CFAP61: variants seen among roughly 807,000 people sequenced by gnomAD.
CFAP61 encodes cilia- and flagella-associated protein 61.
In CFAP61, 107 loss-of-function variants were observed where a neutral mutation model predicts 135.6. That is an observed-to-expected ratio of 0.79 (90% confidence interval 0.67 to 0.93). The LOEUF is 0.93. CFAP61 is among the 40% of genes least tolerant of loss of function. CFAP61 has a pLI of 0.00. For synonymous variants in CFAP61, 575 were observed against 578.5 expected (o/e 0.99, Z 0.09); for missense variants, 1,507 against 1,556.2 (o/e 0.97, Z 0.53).
At chr20:20,083,901 C>G (rs1196632168) in intron 6 of CFAP61, among the ~76,000 whole-genome samples, 1 of 152,118 alleles carries the variant, frequency 6.6e-6, no homozygotes, top group Non-Finnish European at 1.5e-5. Flanking sequence ...TTTCCAAGGA[C>G]TAGAAGCTAA....
intron 25 of CFAP61, among the ~76,000 whole-genome samples, chr20:20,312,409 G>T (rs1268001303): frequency 2.0e-5 from 3 of 152,152 alleles, no homozygotes; most frequent in African/African-American, 4.8e-5. Context: ...ATTAGACCTC[G>T]CTGGGAAAAG....
At chr20:20,182,919 A>G (rs1390853709) in intron 13 of CFAP61, among the ~76,000 whole-genome samples, 2 of 152,234 alleles carry the variant, frequency 1.3e-5, no homozygotes, top group African/African-American at 4.8e-5. Context: ...CTATCAGAAC[A>G]CACTAAGTAA....
Position 20,187,941 on chromosome 20 carries a change from T to G in CFAP61, c.1397T>G (p.Ile466Arg). 6.2e-7 allele frequency: 1 copy of G among 1,613,080 alleles called. No homozygotes were observed. The highest frequency in any genetic ancestry group is 1.1e-5 in the South Asian group (1 of 91,050). Residue 466 changes from isoleucine to arginine, a missense_variant, in exon 14 of 27, where the codon ATA becomes AGA. Transcript: ENST00000245957. ...HRAGLLKSIN[I>R]RFATLLDTPG... is the part of the protein sequence containing the mutation. ...CTCTCCTTACCCAGGTCCATTAATATAAGATTTGCCACTCTCTTGGATACT... is the reference window on the plus strand; with the variant it reads ...CTCTCCTTACCCAGGTCCATTAATAGAAGATTTGCCACTCTCTTGGATACT...
chr20:20,201,931 G>A (rs923749366), intron 17 of CFAP61, among the ~76,000 whole-genome samples: 2 of 152,164 alleles, frequency 1.3e-5, no homozygotes, highest in Admixed American at 6.5e-5. Flanking sequence ...ATATCAGGAA[G>A]CATCGTTTTT....
At chr20:20,306,695 A>G (rs1250447659) in intron 25 of CFAP61, among the ~76,000 whole-genome samples, 1 of 152,206 alleles carries the variant, frequency 6.6e-6, no homozygotes, top group Non-Finnish European at 1.5e-5. Context: ...CCACCCACTG[A>G]GTCAACGTGC....
chr20:20,071,133 A>G, intron 3 of CFAP61, 129 bp downstream of exon 3: 1 of 949,700 alleles, frequency 1.1e-6, no homozygotes. Context: ...AAGTGAAGGG[A>G]GCTGGTGGGG....
At chr20:20,239,721 A>C (rs1336912191) in intron 18 of CFAP61, among the ~76,000 whole-genome samples, 1 of 152,192 alleles carries the variant, frequency 6.6e-6, no homozygotes, top group African/African-American at 2.4e-5. Flanking sequence ...GATCTTAATG[A>C]GTCTGATCTG....
chr20:20,282,221 G>A (rs1052609774), intron 22 of CFAP61, among the ~76,000 whole-genome samples: 1 of 150,278 alleles, frequency 6.7e-6, no homozygotes, highest in African/African-American at 2.5e-5. Context: ...AGTGTAGATA[G>A]GGGTTTGTCA....
intron 9 of CFAP61, among the ~76,000 whole-genome samples, chr20:20,156,370 T>G (rs2052910312): frequency 1.3e-5 from 2 of 152,140 alleles, no homozygotes; most frequent in Admixed American, 1.3e-4. Flanking sequence ...TCATAAAGAC[T>G]CTTAGCACTT....
intron 3 of CFAP61, among the ~76,000 whole-genome samples, chr20:20,071,345 C>CA (rs1186428877): frequency 6.6e-6 from 1 of 152,162 alleles, no homozygotes; most frequent in African/African-American, 2.4e-5. Context: ...GTTAGGAGAG[C>CA]ACCTGCCGTC....
At chr20:20,284,537 A>G (rs1205903045) in intron 22 of CFAP61, among the ~76,000 whole-genome samples, 1 of 152,112 alleles carries the variant, frequency 6.6e-6, no homozygotes, top group Admixed American at 6.6e-5. Context: ...CGCCTGCCTC[A>G]GCCTCCCAAA....
chr20:20,344,917 C>A (rs1399926174), intron 26 of CFAP61, among the ~76,000 whole-genome samples: 1 of 151,912 alleles, frequency 6.6e-6, no homozygotes, highest in Non-Finnish European at 1.5e-5. Flanking sequence ...TAGTACCTAG[C>A]CATAAAAATA....
intron 1 of CFAP61, among the ~76,000 whole-genome samples, chr20:20,054,725 A>G (rs777229748): frequency 1.3e-5 from 2 of 152,206 alleles, no homozygotes. Flanking sequence ...ACTGGCTTCT[A>G]ATGTTGCTCA....
chr20:20,098,138 C>A (rs989577066), intron 7 of CFAP61, among the ~76,000 whole-genome samples: 6 of 152,094 alleles, frequency 3.9e-5, no homozygotes, highest in Non-Finnish European at 4.4e-5. Flanking sequence ...ACTTATGCAC[C>A]ACTAGGTGTG....
intron 18 of CFAP61, among the ~76,000 whole-genome samples, chr20:20,236,756 C>A (rs548426174): frequency 6.6e-6 from 1 of 152,294 alleles, no homozygotes; most frequent in Non-Finnish European, 1.5e-5. Context: ...CAGAAGTGAT[C>A]CCACTGGATT....
At chr20:20,142,719 T>C in intron 8 of CFAP61, 138 bp from the exon 9 acceptor site, 1 of 612,246 alleles carries the variant, frequency 1.6e-6, no homozygotes, top group Non-Finnish European at 2.9e-6. Flanking sequence ...TCTTCCCACC[T>C]CAAGGTACTG....
chr20:20,080,901 C>T (rs1344180484), intron 6 of CFAP61, among the ~76,000 whole-genome samples: 1 of 151,876 alleles, frequency 6.6e-6, no homozygotes, highest in African/African-American at 2.4e-5. Context: ...ACTCGGGAGG[C>T]TGAGGCAGGA....
intron 25 of CFAP61, among the ~76,000 whole-genome samples, chr20:20,301,617 C>T (rs1015046509): frequency 3.3e-5 from 5 of 152,210 alleles, no homozygotes; most frequent in Non-Finnish European, 5.9e-5. Context: ...CTTTTCCCCA[C>T]TTAATGATGC....
rs2053620279 is a variant in CFAP61 at position 20,164,044 on chromosome 20, C to T, written c.1027-6C>T. The stretch of plus-strand genomic sequence containing the variant: ...CTCATTGGCTCCTCCTGTCTCCTTG[C>T]TCTAGGACATAGAAAAACTCAGTGA... On this transcript the variant is annotated splice_polypyrimidine_tract_variant and splice_region_variant and intron_variant, in intron 10 of 26. Transcript: ENST00000245957. 2 of 1,603,046 alleles carry T rather than the reference C, an allele frequency of 1.2e-6. No homozygotes were observed. The highest frequency in any genetic ancestry group is 1.7e-6 in the Non-Finnish European group (2 of 1,174,154).
Sources: allele counts gnomAD v4.1 joint callset (sites outside exome capture counted in the v4.1 genomes callset), GRCh38; gene constraint gnomAD v4.1.1; transcripts MANE v1.5; gene names NCBI Gene and HGNC (gene_info 2026-07-23, HGNC 2026-07-21).